Variants in QTMAN observed in about 807,000 individuals in gnomAD.
QTMAN encodes the protein tRNA-queuosine alpha-mannosyltransferase.
the QTMAN span, among the ~76,000 whole-genome samples, chr2:144,004,261 C>T: frequency 0.034 from 5,159 of 151,986 alleles, 283 homozygotes; most frequent in African/African-American, 0.12. Flanking sequence ...GGGGGTTGAA[C>T]AAGAAACACA....
chr2:144,136,679 T>G, the QTMAN span, among the ~76,000 whole-genome samples: 1 of 152,092 alleles, frequency 6.6e-6, no homozygotes, highest in Non-Finnish European at 1.5e-5. Context: ...GTTGCAAGAT[T>G]ACTCCCTTTT....
chr2:144,065,408 C>T, the QTMAN span, among the ~76,000 whole-genome samples: 2 of 152,172 alleles, frequency 1.3e-5, no homozygotes, highest in African/African-American at 4.8e-5. Context: ...TAAAGGGCTC[C>T]CTTGTCCTCT....
At chr2:144,167,067 T>C in the QTMAN span, among the ~76,000 whole-genome samples, 1 of 152,212 alleles carries the variant, frequency 6.6e-6, no homozygotes, top group African/African-American at 2.4e-5. Context: ...CTGCTTAGCA[T>C]TCCCTTTGTG....
the QTMAN span, among the ~76,000 whole-genome samples, chr2:143,974,634 G>T: frequency 1.3e-5 from 2 of 152,136 alleles, no homozygotes. Context: ...GTATGTCTAG[G>T]AAAGTTTGGC....
At chr2:144,188,164 A>G in the QTMAN span, among the ~76,000 whole-genome samples, 6 of 152,240 alleles carry the variant, frequency 3.9e-5, no homozygotes, top group Non-Finnish European at 8.8e-5. Flanking sequence ...TTAGGAAACT[A>G]ATACAGATGG....
At chr2:144,016,670 G>A in the QTMAN span, among the ~76,000 whole-genome samples, 3 of 152,182 alleles carry the variant, frequency 2.0e-5, no homozygotes, top group Non-Finnish European at 4.4e-5. Flanking sequence ...AAAATAGGAT[G>A]GGAAAACGTA....
At chr2:144,216,622 T>C in the QTMAN span, among the ~76,000 whole-genome samples, 2,140 of 152,340 alleles carry the variant, frequency 0.014, 31 homozygotes, top group Non-Finnish European at 0.023. Flanking sequence ...ACTGATTCTT[T>C]TTTATTGTTG....
At chr2:144,085,296 C>A in the QTMAN span, among the ~76,000 whole-genome samples, 152 of 152,296 alleles carry the variant, frequency 1.0e-3, 1 homozygote, top group African/African-American at 3.5e-3. Context: ...AGGACATGCA[C>A]TAAAAGTCAG....
the QTMAN span, among the ~76,000 whole-genome samples, chr2:144,080,037 A>G: frequency 1.3e-5 from 2 of 152,106 alleles, no homozygotes; most frequent in African/African-American, 4.8e-5. Flanking sequence ...TCATTCTTAC[A>G]TTCCTGCAAC....
chr2:144,220,403 A>G, the QTMAN span, among the ~76,000 whole-genome samples: 1 of 152,226 alleles, frequency 6.6e-6, no homozygotes, highest in African/African-American at 2.4e-5. Context: ...TTCCCATATC[A>G]ACAGCTTGAA....
At chr2:144,150,939 CAA>C in the QTMAN span, among the ~76,000 whole-genome samples, 1 of 151,942 alleles carries the variant, frequency 6.6e-6, no homozygotes, top group Non-Finnish European at 1.5e-5. Flanking sequence ...AAATGGAAAA[CAA>C]AGTAGCTGAG....
the QTMAN span, among the ~76,000 whole-genome samples, chr2:144,158,828 C>A: frequency 6.6e-6 from 1 of 152,020 alleles, no homozygotes; most frequent in African/African-American, 2.4e-5. Context: ...AATGATGATA[C>A]ATTTCAGCCT....
the QTMAN span, among the ~76,000 whole-genome samples, chr2:144,206,864 T>C: frequency 6.6e-6 from 1 of 152,134 alleles, no homozygotes; most frequent in African/African-American, 2.4e-5. Context: ...ACAACAGATA[T>C]AGAAATGGCT....
At chr2:144,252,075 T>G in the QTMAN span, among the ~76,000 whole-genome samples, 1 of 151,772 alleles carries the variant, frequency 6.6e-6, no homozygotes, top group Non-Finnish European at 1.5e-5. Context: ...AATTATTTAA[T>G]GGACATATAA....
At chr2:144,087,617 TTCAAGAAGGATTTATACAA>T in the QTMAN span, among the ~76,000 whole-genome samples, 3 of 151,914 alleles carry the variant, frequency 2.0e-5, no homozygotes. Flanking sequence ...GATTTATACC[TTCAAGAAGGATTTATACAA>T]TCAAGAAGGA....
At chr2:144,025,538 A>G in the QTMAN span, among the ~76,000 whole-genome samples, 1 of 152,178 alleles carries the variant, frequency 6.6e-6, no homozygotes, top group Non-Finnish European at 1.5e-5. Context: ...AGGCTTACAC[A>G]GTATTGAAAG....
chr2:144,107,730 G>C, the QTMAN span, among the ~76,000 whole-genome samples: 1 of 152,134 alleles, frequency 6.6e-6, no homozygotes, highest in East Asian at 1.9e-4. Flanking sequence ...TAGAAAAAGA[G>C]GTATTCCTCC....
chr2:144,313,429 C>A, the QTMAN span, among the ~76,000 whole-genome samples: 1 of 152,088 alleles, frequency 6.6e-6, no homozygotes, highest in Non-Finnish European at 1.5e-5. Context: ...TTACCACTTA[C>A]CTATTATGAG....
At chr2:143,955,644 C>T in the QTMAN span, among the ~76,000 whole-genome samples, 1 of 152,168 alleles carries the variant, frequency 6.6e-6, no homozygotes, top group African/African-American at 2.4e-5. Flanking sequence ...ATTTCAATCA[C>T]ACTCAACAAA....
Sources: allele counts gnomAD v4.1 joint callset (sites outside exome capture counted in the v4.1 genomes callset), GRCh38; gene constraint gnomAD v4.1.1; transcripts MANE v1.5; gene names NCBI Gene and HGNC (gene_info 2026-07-23, HGNC 2026-07-21).